Variants in UBQLN1 observed in about 807,000 individuals in gnomAD.
The protein encoded by UBQLN1 is ubiquilin 1, also known as ubiquilin-1.
UBQLN1 carries 13 observed loss-of-function variants against 65.4 expected under a neutral mutation model. The observed-to-expected ratio is 0.20, with a 90% CI of 0.13 to 0.32. The LOEUF (loss-of-function observed/expected upper bound fraction) is 0.32. Ranked by LOEUF, UBQLN1 falls within the 10% of genes least tolerant of loss-of-function variation. The pLI, the probability that UBQLN1 is intolerant of heterozygous loss-of-function variation, is 1.00. For missense variants in UBQLN1, 561 were observed against 724.0 expected (o/e 0.77, Z 2.58); for synonymous variants, 267 against 247.8 (o/e 1.08, Z -0.73).
intron 2 of UBQLN1, among the ~76,000 whole-genome samples, chr9:83,683,525 A>C (rs930951506): frequency 6.6e-5 from 10 of 152,164 alleles, no homozygotes; most frequent in African/African-American, 2.2e-4. Flanking sequence ...GAGAAAACTA[A>C]GCATTAGGAA....
intron 3 of UBQLN1, 96 bp downstream of exon 3, chr9:83,682,855 G>C: frequency 1.9e-6 from 1 of 535,516 alleles, no homozygotes; most frequent in Non-Finnish European, 3.2e-6. Flanking sequence ...TTGTTAAAGT[G>C]ACATAATGTT....
intron 1 of UBQLN1, 83 bp downstream of exon 1, chr9:83,707,417 G>A (rs1156293156): frequency 7.0e-6 from 10 of 1,421,792 alleles, no homozygotes; most frequent in East Asian, 2.5e-5. Flanking sequence ...CCCTCTCCCA[G>A]GCCCTTCCAA....
At chr9:83,668,207 C>T (rs1352059401) in intron 7 of UBQLN1, 2 of 984,912 alleles carry the variant, frequency 2.0e-6, no homozygotes, top group Admixed American at 1.2e-4. Flanking sequence ...TTTCCAATTC[C>T]ACAAATTTGG....
In UBQLN1 at chr9:83,661,533, A is replaced by C. The variant is rs926552092; in HGVS notation, c.*254T>G. 6.0e-6 allele frequency: 2 copies of C among 332,798 alleles called. No homozygotes were observed. The highest frequency in any genetic ancestry group is 2.1e-5 in the African/African-American group (1 of 47,098). The allele number at this position is 332,798 out of a possible 1,614,324, so 20.6% of individuals were successfully genotyped here. A position where few individuals can be genotyped will look rare whatever the true frequency, so the allele number is the denominator to read the frequency against. ...GACAAAATCTGGTCACCCAACTATAAAAGGTGATGTTTTTAAAAAATTACA... is the reference window on the plus strand; with the variant it reads ...GACAAAATCTGGTCACCCAACTATACAAGGTGATGTTTTTAAAAAATTACA... On this transcript the variant is annotated 3_prime_UTR_variant, in exon 11 of 11. Transcript: ENST00000376395.
Position 83,678,630 on chromosome 9 carries a change from A to T in UBQLN1, c.712-31T>A, listed in dbSNP as rs369082920. ...AAAAATATTTCCAAAAAAAGAAAAA[A>T]AAAAGGCATTGAAATACACATGAAT... is the stretch of plus-strand genomic sequence containing the variant. On this transcript the variant is annotated intron_variant, in intron 4 of 10. Transcript: ENST00000376395. 6.0e-5 allele frequency: 95 copies of T among 1,587,398 alleles called. No homozygotes were observed. The African/African-American group carries it at 1.1e-3, about 18-fold the overall frequency.
chr9:83,661,783 G>A lies in UBQLN1; in HGVS notation c.*4C>T, dbSNP rs1831564238. 1 of 1,591,844 alleles carries A rather than the reference G, an allele frequency of 6.3e-7. No individual in the cohort carries two copies. The highest frequency in any genetic ancestry group is 1.4e-5 in the African/African-American group (1 of 73,842). On this transcript the variant is annotated 3_prime_UTR_variant, in exon 11 of 11. Coordinates refer to ENST00000376395, the MANE Select transcript of UBQLN1 (RefSeq NM_013438.5). ...TTACATTTTTTCAAGATACAGAAAT[G>A]CTGCTATGATGGCTGGGAGCCCAGT...
intron 7 of UBQLN1, 91 bp from the exon 8 acceptor site, chr9:83,666,524 G>A (rs763411179): frequency 1.6e-4 from 200 of 1,245,100 alleles, no homozygotes; most frequent in Admixed American, 2.4e-4. Context: ...AAGTGCCTCA[G>A]CTGGCACTTA....
chr9:83,669,446 ATGTATC>A lies in UBQLN1; in HGVS notation c.1106-125_1106-120del, dbSNP rs1831696632. On this transcript the variant is annotated intron_variant, in intron 6 of 10. Transcript: ENST00000376395. ...CCAAGTACAAATGATTATACATATT[ATGTATC>A]AACTGAACTACGAAAGAACTTTAAA... The A allele has an allele frequency of 1.2e-5, 11 of 936,544 alleles. No homozygotes were observed. In the South Asian group the frequency reaches 2.2e-4, roughly 19 times the overall value. The allele number at this position is 936,544 out of a possible 1,614,324, so 58.0% of individuals were successfully genotyped here.
intron 4 of UBQLN1, among the ~76,000 whole-genome samples, 183 bp downstream of exon 4, chr9:83,679,592 A>T (rs1459352378): frequency 2.0e-5 from 3 of 152,230 alleles, no homozygotes; most frequent in Non-Finnish European, 4.4e-5. Context: ...AGATCCTTCA[A>T]TTTAACAGAA....
chr9:83,671,797 C>T (rs1831736225), intron 6 of UBQLN1, among the ~76,000 whole-genome samples: 1 of 152,106 alleles, frequency 6.6e-6, no homozygotes, highest in Admixed American at 6.5e-5. Flanking sequence ...CACATTAGCC[C>T]CAACAGTCAG....
intron 10 of UBQLN1, among the ~76,000 whole-genome samples, chr9:83,663,420 T>G (rs1186369050): frequency 6.6e-6 from 1 of 152,162 alleles, no homozygotes; most frequent in African/African-American, 2.4e-5. Flanking sequence ...TAACACAAGC[T>G]ACCGCAGGAG....
At chr9:83,664,949 C>G in intron 9 of UBQLN1, 81 bp downstream of exon 9, 3 of 567,692 alleles carry the variant, frequency 5.3e-6, no homozygotes, top group South Asian at 4.6e-5. Flanking sequence ...AAAAAAAAGG[C>G]AGGCAGAATA....
At chr9:83,696,066 A>G (rs923878484) in intron 1 of UBQLN1, among the ~76,000 whole-genome samples, 1 of 152,070 alleles carries the variant, frequency 6.6e-6, no homozygotes, top group East Asian at 1.9e-4. Context: ...CAGCCTCTCC[A>G]GTAGCTGGGA....
chr9:83,696,993 G>A lies in UBQLN1; in HGVS notation c.180+10507C>T, dbSNP rs549536381. Among the ~76,000 whole-genome samples, 234 of 151,892 alleles carry A rather than the reference G, an allele frequency of 1.5e-3. 1 individual carries two copies. Among genetic ancestry groups the A allele is most frequent in the Non-Finnish European group, 2.6e-3 (176 of 67,930 alleles). On this transcript the variant is annotated intron_variant, in intron 1 of 10. Coordinates refer to ENST00000376395, the MANE Select transcript of UBQLN1 (RefSeq NM_013438.5). Reference sequence around the variant, plus strand: ...GTATTGCTATGTTGCCCAGGCTGGCGTGGAACTCTTGGGCTCAAGTAATTC... The same window carrying A: ...GTATTGCTATGTTGCCCAGGCTGGCATGGAACTCTTGGGCTCAAGTAATTC...
chr9:83,661,596 C>A lies in UBQLN1; in HGVS notation c.*191G>T. ...GTGATGCATGCAGTAGCCTTAATTC[C>A]CACTGTTCCAGAAAAGAAAAATACA... On this transcript the variant is annotated 3_prime_UTR_variant, in exon 11 of 11. Transcript: ENST00000376395. 2 of 516,574 alleles carry A rather than the reference C, an allele frequency of 3.9e-6. No homozygotes were observed. Among genetic ancestry groups the A allele is most frequent in the Non-Finnish European group, 3.2e-6 (1 of 311,876 alleles). 32.0% of individuals were successfully genotyped at this position (516,574 alleles called of 1,614,324 possible).
chr9:83,707,697 C>CGGCGGT lies in UBQLN1; in HGVS notation c.-24_-19dup, dbSNP rs1208756827. The CGGCGGT allele has an allele frequency of 7.9e-6, 12 of 1,523,690 alleles. No individual in the cohort carries two copies. In the African/African-American group the frequency reaches 1.1e-4, roughly 14 times the overall value. The allele number at this position is 1,523,690 out of a possible 1,614,324, so 94.4% of individuals were successfully genotyped here. ...TCGGCCATGGCTGTGGCGGCGGCGG[C>CGGCGGT]GGCGGTGACTCAGGCAAGCAGGAGG... On this transcript the variant is annotated 5_prime_UTR_variant, in exon 1 of 11. Transcript: ENST00000376395.
intron 6 of UBQLN1, among the ~76,000 whole-genome samples, chr9:83,671,461 G>A (rs1002534185): frequency 2.0e-5 from 3 of 152,078 alleles, no homozygotes; most frequent in African/African-American, 7.3e-5. Flanking sequence ...TGGGCTGCAT[G>A]CAGAATGAAT....
chr9:83,673,550 AAAAAAAAAAAAAAAAAAC>A (rs1160859160), intron 6 of UBQLN1, among the ~76,000 whole-genome samples: 4 of 54,168 alleles, frequency 7.4e-5, no homozygotes, highest in South Asian at 8.0e-4. Flanking sequence ...GTCTTTTAAA[AAAAAAAAAAAAAAAAAAC>A]AAAAAAAAAA....
intron 10 of UBQLN1, among the ~76,000 whole-genome samples, chr9:83,662,849 G>C (rs1014990712): frequency 6.6e-6 from 1 of 152,234 alleles, no homozygotes; most frequent in Non-Finnish European, 1.5e-5. Context: ...CAAGGCGGGT[G>C]AGATCGCTTG....
Sources: gnomAD v4.1 joint callset for allele counts (sites outside exome capture counted in the v4.1 genomes callset) on GRCh38, gnomAD v4.1.1 for gene constraint, MANE v1.5 for transcripts, NCBI Gene and HGNC (gene_info 2026-07-23, HGNC 2026-07-21) for gene names.